TOP2B: variants seen among roughly 807,000 people sequenced by gnomAD.
The protein encoded by TOP2B is DNA topoisomerase II beta.
TOP2B carries 51 observed loss-of-function variants against 193.5 expected under a neutral mutation model. The ratio of observed to expected loss-of-function variants is 0.26; its 90% confidence interval spans 0.21 to 0.33. The LOEUF is 0.33. Ranked by LOEUF, TOP2B falls within the 10% of genes least tolerant of loss-of-function variation. The pLI is 1.00. For missense variants in TOP2B, 1,378 were observed against 1,909.3 expected, an observed-to-expected ratio of 0.72 and a Z score of 5.19; for synonymous variants, 634 against 635.7, an observed-to-expected ratio of 1.00 and a Z score of 0.04.
chr3:25,601,802 A>G (rs1400282342), intron 33 of TOP2B, among the ~76,000 whole-genome samples: 1 of 152,236 alleles, frequency 6.6e-6, no homozygotes, highest in East Asian at 1.9e-4. Context: ...TAACTTTTAA[A>G]TACAGAATAG....
In TOP2B at chr3:25,624,754, A is replaced by C. The variant is rs749936333; in HGVS notation, c.2274T>G (p.Asn758Lys). The C allele has an allele frequency of 6.2e-7, 1 of 1,613,776 alleles. No individual in the cohort carries two copies. The highest frequency in any genetic ancestry group is 1.1e-5 in the South Asian group (1 of 91,080). Residue 758 changes from asparagine to lysine, a missense_variant, in exon 19 of 36, where the codon AAT becomes AAG. Asn to Lys is a moderately conservative substitution (Grantham distance 94, BLOSUM62 0). This residue lies in a region of TOP2B where 379 missense variants were observed against 615.1 expected (regional missense o/e 0.62). Coordinates refer to ENST00000264331, the MANE Select transcript of TOP2B (RefSeq NM_001330700.2). Reference sequence around the variant, plus strand: ...GGGCAACTTTTACTTCACGTTTATCATTCCTCTTGAAACAGGTAAATAAAA... The same window carrying C: ...GGGCAACTTTTACTTCACGTTTATCCTTCCTCTTGAAACAGGTAAATAAAA... Reference protein sequence around the residue: ...RKVLFTCFKRNDKREVKVAQL... With the variant: ...RKVLFTCFKRKDKREVKVAQL...
chr3:25,632,871 C>A (rs919817701), intron 8 of TOP2B, 77 bp from the exon 9 acceptor site: 26 of 1,208,652 alleles, frequency 2.2e-5, no homozygotes, highest in Middle Eastern at 4.2e-4. Context: ...TATTATAAAC[C>A]CTATTTTCTA....
chr3:25,610,518 G>A (rs1215206369), intron 28 of TOP2B, among the ~76,000 whole-genome samples: 1 of 152,204 alleles, frequency 6.6e-6, no homozygotes, highest in African/African-American at 2.4e-5. Context: ...CAGGCAGAAG[G>A]CACAAAGCCA....
At chr3:25,648,846 A>G (rs973097707) in intron 1 of TOP2B, among the ~76,000 whole-genome samples, 6 of 152,200 alleles carry the variant, frequency 3.9e-5, no homozygotes, top group Non-Finnish European at 7.3e-5. Context: ...TGGGTGACAG[A>G]GCAAGAGCCT....
intron 1 of TOP2B, among the ~76,000 whole-genome samples, chr3:25,660,734 G>A (rs560282666): frequency 6.6e-6 from 1 of 152,124 alleles, no homozygotes; most frequent in East Asian, 1.9e-4. Context: ...ACTAAAGCAA[G>A]GTTCTTAAAA....
At chr3:25,630,772 A>G in intron 11 of TOP2B, 29 bp downstream of exon 11, 1 of 1,496,028 alleles carries the variant, frequency 6.7e-7, no homozygotes, top group South Asian at 1.4e-5. Flanking sequence ...AACTTAAATC[A>G]AAATCTTATT....
Position 25,615,606 on chromosome 3 carries a change from G to A in TOP2B, c.3352-20C>T. ...TGCTGCCTGTAAAAAATAACAAACT[G>A]TATATTAAAGTCTTGTATAGTATCA... On this transcript the variant is annotated intron_variant, in intron 25 of 35. Coordinates refer to ENST00000264331, the MANE Select transcript of TOP2B (RefSeq NM_001330700.2). The A allele has an allele frequency of 1.3e-6, 2 of 1,496,284 alleles. No homozygotes were observed. Among genetic ancestry groups the A allele is most frequent in the East Asian group, 2.5e-5 (1 of 40,688 alleles). 92.7% of individuals were successfully genotyped at this position (1,496,284 alleles called of 1,614,324 possible).
At chr3:25,611,385 T>C (rs565875431) in intron 28 of TOP2B, among the ~76,000 whole-genome samples, 136 of 152,296 alleles carry the variant, frequency 8.9e-4, no homozygotes, top group Admixed American at 1.6e-3. Flanking sequence ...GAAAGGCTAC[T>C]CTGGTGTCAA....
In TOP2B at chr3:25,623,760, A is replaced by G. The variant is rs1702723400; in HGVS notation, c.2496-14T>C. ...CTTGCTAAAGTGCTAATGAAAACAA[A>G]AAGAAGCAAATGAAAAAATGTCATG... On this transcript the variant is annotated splice_polypyrimidine_tract_variant and intron_variant, in intron 20 of 35. Transcript: ENST00000264331. The G allele has an allele frequency of 3.9e-6, 6 of 1,549,218 alleles. No individual in the cohort carries two copies. Among genetic ancestry groups the G allele is most frequent in the Non-Finnish European group, 5.3e-6 (6 of 1,132,128 alleles).
rs192376694 is a variant in TOP2B at position 25,626,258 on chromosome 3, T to A, written c.2224+302A>T. Among the ~76,000 whole-genome samples, 7 of 152,260 alleles carry A rather than the reference T, an allele frequency of 4.6e-5. No homozygotes were observed. The East Asian group carries it at 1.3e-3, about 29-fold the overall frequency. On this transcript the variant is annotated intron_variant, in intron 18 of 35. Transcript: ENST00000264331. ...ATTTTAGAAATTATCAAAGTTCCAT[T>A]TTACTTTTTTAGAAAATCTGCAGAC... is the stretch of plus-strand genomic sequence containing the variant.
chr3:25,653,174 G>A (rs1367755371), intron 1 of TOP2B, among the ~76,000 whole-genome samples: 1 of 152,132 alleles, frequency 6.6e-6, no homozygotes, highest in Admixed American at 6.5e-5. Context: ...CCCAGTACCA[G>A]ATGGCTTCAC....
intron 25 of TOP2B, among the ~76,000 whole-genome samples, chr3:25,617,957 G>A (rs1702549162): frequency 6.6e-6 from 1 of 152,166 alleles, no homozygotes; most frequent in Admixed American, 6.5e-5. Flanking sequence ...GATAAATACT[G>A]TCTATAATAA....
At chr3:25,600,434 G>A (rs536463308) in intron 34 of TOP2B, among the ~76,000 whole-genome samples, 77 of 152,248 alleles carry the variant, frequency 5.1e-4, no homozygotes, top group African/African-American at 1.8e-3. Context: ...CCCAGTCACT[G>A]TGATTCTTTT....
chr3:25,662,653 G>A (rs1703951086), intron 1 of TOP2B, among the ~76,000 whole-genome samples: 1 of 152,160 alleles, frequency 6.6e-6, no homozygotes, highest in Admixed American at 6.5e-5. Context: ...TATGGAGCTT[G>A]AAAGAAATAA....
intron 4 of TOP2B, among the ~76,000 whole-genome samples, chr3:25,639,783 T>G (rs1703207351): frequency 6.6e-6 from 1 of 152,230 alleles, no homozygotes; most frequent in African/African-American, 2.4e-5. Context: ...TTCTCAAGGC[T>G]TTACAACCAT....
chr3:25,642,713 T>C (rs1703299142), intron 3 of TOP2B, among the ~76,000 whole-genome samples: 1 of 152,138 alleles, frequency 6.6e-6, no homozygotes, highest in Non-Finnish European at 1.5e-5. Context: ...AAAACTTTTG[T>C]TTAATTATAT....
At chr3:25,602,548 G>T (rs547561681) in intron 33 of TOP2B, among the ~76,000 whole-genome samples, 15 of 149,062 alleles carry the variant, frequency 1.0e-4, no homozygotes, top group African/African-American at 3.2e-4. Context: ...TATTCCAGTC[G>T]CAATTTGAGA....
intron 1 of TOP2B, among the ~76,000 whole-genome samples, chr3:25,655,958 G>A (rs949450239): frequency 6.8e-6 from 1 of 148,148 alleles, no homozygotes; most frequent in African/African-American, 2.5e-5. Context: ...GCTTAACAAT[G>A]TAAATATATT....
At chr3:25,631,731 T>C (rs1213898991) in intron 10 of TOP2B, among the ~76,000 whole-genome samples, 1 of 152,032 alleles carries the variant, frequency 6.6e-6, no homozygotes, top group African/African-American at 2.4e-5. Flanking sequence ...GGACAGAAAT[T>C]TGGGAAAGCA....
Sources: gnomAD v4.1 joint callset for allele counts (sites outside exome capture counted in the v4.1 genomes callset) on GRCh38, gnomAD v4.1.1 for gene constraint, gnomAD v4.1.1 regional missense constraint, MANE v1.5 for transcripts, NCBI Gene and HGNC (gene_info 2026-07-23, HGNC 2026-07-21) for gene names.